SLC25A26: variants seen among roughly 807,000 people sequenced by gnomAD.
SLC25A26 encodes the protein mitochondrial S-adenosylmethionine carrier protein.
In SLC25A26, 36 loss-of-function variants were observed where a neutral mutation model predicts 37.8. That is an observed-to-expected ratio of 0.95 (90% CI 0.73 to 1.26). The LOEUF (loss-of-function observed/expected upper bound fraction) is 1.26. Ranked by LOEUF, SLC25A26 falls within the 50% of genes most tolerant of loss-of-function variation. The pLI is 0.00. For synonymous variants in SLC25A26, 129 were observed against 122.5 expected (o/e 1.05, Z -0.35); for missense variants, 390 against 331.1 (o/e 1.18, Z -1.38).
chr3:66,291,430 G>A (rs896300184), intron 5 of SLC25A26, among the ~76,000 whole-genome samples: 1 of 152,212 alleles, frequency 6.6e-6, no homozygotes, highest in South Asian at 2.1e-4. Context: ...GCTTTCTCCT[G>A]TTGGCATTTA....
intron 1 of SLC25A26, among the ~76,000 whole-genome samples, chr3:66,210,914 A>G: frequency 6.6e-6 from 1 of 152,230 alleles, no homozygotes; most frequent in East Asian, 1.9e-4. Flanking sequence ...GTCAGGGGCC[A>G]GATCACTCAG....
chr3:66,144,294 TG>T (rs1026033845), intron 1 of SLC25A26, among the ~76,000 whole-genome samples: 1 of 152,148 alleles, frequency 6.6e-6, no homozygotes, highest in African/African-American at 2.4e-5. Context: ...ATCTTTAGCC[TG>T]AGTGTAAGTA....
chr3:66,276,385 T>C (rs1435927910), intron 5 of SLC25A26, among the ~76,000 whole-genome samples: 2 of 152,092 alleles, frequency 1.3e-5, no homozygotes, highest in Non-Finnish European at 2.9e-5. Flanking sequence ...TGATAGAATT[T>C]TTCAGTAAAT....
chr3:66,195,198 C>T (rs915497538), intron 1 of SLC25A26, among the ~76,000 whole-genome samples: 4 of 152,216 alleles, frequency 2.6e-5, no homozygotes, highest in Non-Finnish European at 5.9e-5. Flanking sequence ...TAGCCTCCGC[C>T]CCATACCCCC....
intron 1 of SLC25A26, among the ~76,000 whole-genome samples, chr3:66,223,870 T>C (rs1553659543): frequency 6.6e-6 from 1 of 152,146 alleles, no homozygotes; most frequent in Non-Finnish European, 1.5e-5. Context: ...GTGCATACTT[T>C]TAGGAAAGCA....
intron 1 of SLC25A26, among the ~76,000 whole-genome samples, chr3:66,140,650 C>T (rs956628967): frequency 2.6e-5 from 4 of 152,170 alleles, no homozygotes; most frequent in African/African-American, 9.7e-5. Flanking sequence ...GCAGGACTAG[C>T]AAATATTCTT....
upstream of SLC25A26, chr3:66,220,897 C>G (rs370822424): frequency 2.9e-3 from 1,849 of 632,664 alleles, 31 homozygotes; most frequent in African/African-American, 0.014. Context: ...CCACACTCCC[C>G]GAGGCCCCGC....
intron 7 of SLC25A26, among the ~76,000 whole-genome samples, chr3:66,367,891 G>C (rs1447870494): frequency 6.6e-6 from 1 of 152,188 alleles, no homozygotes; most frequent in South Asian, 2.1e-4. Context: ...CCTCTGGATA[G>C]GAGATGAAGA....
intron 3 of SLC25A26, among the ~76,000 whole-genome samples, chr3:66,260,470 C>G (rs960652184): frequency 1.3e-5 from 2 of 152,192 alleles, no homozygotes; most frequent in Non-Finnish European, 2.9e-5. Flanking sequence ...TAAATCTTGT[C>G]AGTTTTGGTA....
In SLC25A26 at chr3:66,270,017, T is replaced by C. The variant is rs528584347; in HGVS notation, c.453+6638T>C. On this transcript the variant is annotated intron_variant, in intron 5 of 9. Transcript: ENST00000354883. ...TTTTCACTGCTTTAAGTTTGACTTA[T>C]TTTTGTTCAGATGCTGCCTGACGTC... Among the ~76,000 whole-genome samples, 14 of 152,246 alleles carry C rather than the reference T, an allele frequency of 9.2e-5. No homozygotes were observed. The South Asian group carries it at 2.3e-3, about 25-fold the overall frequency.
chr3:66,314,681 T>G (rs1190597669), intron 5 of SLC25A26, among the ~76,000 whole-genome samples: 1 of 152,184 alleles, frequency 6.6e-6, no homozygotes, highest in African/African-American at 2.4e-5. Context: ...TGGAATACTT[T>G]TAGAAGAAAG....
At position 66,263,351 on chromosome 3, in the gene SLC25A26, G is replaced by A. The variant is rs779427588; in HGVS notation, c.425G>A (p.Arg142Gln). The change falls in exon 5 of 10, where the codon CGA (arginine) becomes CAA (glutamine). Residue 142 changes from arginine to glutamine, a missense_variant. Coordinates refer to ENST00000354883, the MANE Select transcript of SLC25A26 (RefSeq NM_001379210.1). Reference protein sequence around the residue: ...LYEEGIQGLYRGYKSTVLREI... With the variant: ...LYEEGIQGLYQGYKSTVLREI... ...TTTCAGGGTATCCAAGGGTTGTATC[G>A]AGGCTATAAAAGCACAGTTTTAAGA... 8.7e-6 allele frequency: 14 copies of A among 1,612,182 alleles called. No homozygotes were observed. The highest frequency in any genetic ancestry group is 1.7e-4 in the Middle Eastern group (1 of 6,056).
intron 5 of SLC25A26, among the ~76,000 whole-genome samples, chr3:66,304,010 A>G (rs1330748647): frequency 6.6e-6 from 1 of 152,174 alleles, no homozygotes; most frequent in Admixed American, 6.5e-5. Context: ...TACAACATGA[A>G]ATTTTATTTC....
intron 5 of SLC25A26, among the ~76,000 whole-genome samples, chr3:66,336,612 T>C (rs899208603): frequency 6.6e-6 from 1 of 152,186 alleles, no homozygotes; most frequent in African/African-American, 2.4e-5. Flanking sequence ...CCTGGCTATT[T>C]TCTTAAAGGA....
intron 5 of SLC25A26, among the ~76,000 whole-genome samples, chr3:66,286,893 C>T (rs1350076485): frequency 6.6e-6 from 1 of 152,044 alleles, no homozygotes; most frequent in Non-Finnish European, 1.5e-5. Flanking sequence ...GAACCCCTGG[C>T]CTCATGTGAT....
chr3:66,351,167 C>T (rs576090356), intron 6 of SLC25A26, among the ~76,000 whole-genome samples: 3 of 152,184 alleles, frequency 2.0e-5, no homozygotes, highest in South Asian at 4.2e-4. Context: ...GCTGAGAGTC[C>T]GTCAGAGTGG....
At chr3:66,275,470 G>C (rs1185438658) in intron 5 of SLC25A26, among the ~76,000 whole-genome samples, 2 of 151,978 alleles carry the variant, frequency 1.3e-5, no homozygotes, top group African/African-American at 4.8e-5. Flanking sequence ...GAGGGCAGAT[G>C]CCTCCCGTTT....
intron 5 of SLC25A26, among the ~76,000 whole-genome samples, chr3:66,267,577 C>T (rs369352528): frequency 8.5e-5 from 13 of 152,288 alleles, no homozygotes; most frequent in African/African-American, 2.6e-4. Flanking sequence ...AGGTGAGAAG[C>T]TGGTTGGAGC....
chr3:66,190,146 C>T (rs968543139), intron 1 of SLC25A26, among the ~76,000 whole-genome samples: 1,558 of 152,078 alleles, frequency 0.01, 24 homozygotes, highest in African/African-American at 0.036. Context: ...AAGCCATCTA[C>T]AAAAACTAAT....
Sources: gnomAD v4.1 joint callset for allele counts (sites outside exome capture counted in the v4.1 genomes callset) on GRCh38, gnomAD v4.1.1 for gene constraint, MANE v1.5 for transcripts, NCBI Gene and HGNC (gene_info 2026-07-23, HGNC 2026-07-21) for gene names.